Variants in EYS observed in about 807,000 individuals in gnomAD.
EYS encodes the protein EGF-like photoreceptor maintenance factor.
EYS carries 250 observed loss-of-function variants against 282.1 expected under a neutral mutation model. The observed-to-expected ratio is 0.89, with a 90% confidence interval of 0.80 to 0.98. The LOEUF is 0.98. Among genes scored for constraint, EYS ranks in the 50% least tolerant of loss-of-function variants. The probability of loss-of-function intolerance (pLI) is 0.00; values close to 1 mark genes in which losing one functional copy is unlikely to be tolerated. For synonymous variants in EYS, 1,355 were observed against 1,282.9 expected (o/e 1.06, Z -1.20); for missense variants, 4,016 against 3,709.0 (o/e 1.08, Z -2.15).
rs1255559520 is a variant in EYS, at chr6:64,948,624, ATAC to A, written c.2260-2713_2260-2711del. 4.1e-5 allele frequency among the ~76,000 whole-genome samples: 6 copies of A among 147,724 alleles called. No individual in the cohort carries two copies. The South Asian group carries it at 8.4e-4, about 21-fold the overall frequency. On this transcript the variant is annotated intron_variant, in intron 14 of 42. Coordinates refer to ENST00000503581, the MANE Select transcript of EYS (RefSeq NM_001142800.2). ...ATTAAATAATATTAAATAATAGTAA[ATAC>A]TAGTATTAAATAGTATTAAATAGTA... is the stretch of plus-strand genomic sequence containing the variant.
intron 1 of EYS, among the ~76,000 whole-genome samples, chr6:65,657,585 T>C (rs145113389): frequency 6.6e-6 from 1 of 152,022 alleles, no homozygotes; most frequent in East Asian, 1.9e-4. Flanking sequence ...AATCTCATGA[T>C]CAAACTTGAA....
intron 29 of EYS, among the ~76,000 whole-genome samples, chr6:64,368,062 C>T (rs562998935): frequency 6.6e-6 from 1 of 152,020 alleles, no homozygotes; most frequent in African/African-American, 2.4e-5. Context: ...GCGTAGTATC[C>T]AATAGGTAGT....
At chr6:63,973,168 A>G (rs975374370) in intron 35 of EYS, among the ~76,000 whole-genome samples, 2 of 152,100 alleles carry the variant, frequency 1.3e-5, no homozygotes, top group Admixed American at 1.3e-4. Context: ...TTACACTTCC[A>G]CCAACAGTGT....
At chr6:64,633,902 T>C (rs1473035829) in intron 22 of EYS, among the ~76,000 whole-genome samples, 1 of 152,146 alleles carries the variant, frequency 6.6e-6, no homozygotes, top group Non-Finnish European at 1.5e-5. Flanking sequence ...TCCTGAAATA[T>C]ACTAAGCCAG....
At chr6:64,580,991 A>T (rs1158227721) in intron 26 of EYS, among the ~76,000 whole-genome samples, 3 of 152,138 alleles carry the variant, frequency 2.0e-5, no homozygotes, top group Non-Finnish European at 4.4e-5. Flanking sequence ...GATTTTTGGT[A>T]TTGGGAAGAT....
intron 21 of EYS, among the ~76,000 whole-genome samples, chr6:64,813,828 A>G (rs916719510): frequency 3.3e-5 from 5 of 152,032 alleles, no homozygotes; most frequent in African/African-American, 1.2e-4. Context: ...TTATAAAAAG[A>G]TGTATCATGT....
chr6:64,831,397 T>G (rs559508762), intron 19 of EYS, among the ~76,000 whole-genome samples: 1 of 152,118 alleles, frequency 6.6e-6, no homozygotes, highest in African/African-American at 2.4e-5. Context: ...TTTCATTGTT[T>G]GGAAAGAATT....
chr6:65,450,556 CCAAT>C (rs1764362421), intron 5 of EYS, among the ~76,000 whole-genome samples: 1 of 152,208 alleles, frequency 6.6e-6, no homozygotes, highest in East Asian at 1.9e-4. Context: ...CTAAAAATGA[CCAAT>C]CAGAGTTGTT....
chr6:63,826,845 C>CAAAAAAAAAAAAAAAGAAAAAAA (rs1771475261), intron 36 of EYS, among the ~76,000 whole-genome samples: 1 of 76,762 alleles, frequency 1.3e-5, no homozygotes, highest in African/African-American at 5.1e-5. Flanking sequence ...AGTTAAAAAG[C>CAAAAAAAAAAAAAAAGAAAAAAA]AAAAAAAAAA....
intron 24 of EYS, among the ~76,000 whole-genome samples, chr6:64,596,557 T>C (rs905257782): frequency 3.3e-5 from 5 of 152,112 alleles, no homozygotes; most frequent in Admixed American, 6.6e-5. Flanking sequence ...AAGAGATAGA[T>C]TCACATATTC....
chr6:63,880,342 G>T (rs1825208), intron 35 of EYS, among the ~76,000 whole-genome samples: 1 of 151,930 alleles, frequency 6.6e-6, no homozygotes, highest in African/African-American at 2.4e-5. Context: ...CGGACTCCAA[G>T]TTCTTCAGTT....
chr6:64,848,252 C>CT (rs1765776108), intron 19 of EYS, among the ~76,000 whole-genome samples: 1 of 151,678 alleles, frequency 6.6e-6, no homozygotes, highest in Admixed American at 6.6e-5. Flanking sequence ...CACATTTTTT[C>CT]TTTTATTTTT....
chr6:64,968,487 A>G (rs546433841), intron 14 of EYS, among the ~76,000 whole-genome samples: 98 of 152,310 alleles, frequency 6.4e-4, no homozygotes, highest in African/African-American at 2.2e-3. Flanking sequence ...ACCTTTGTAT[A>G]TTCACTCAAA....
intron 22 of EYS, among the ~76,000 whole-genome samples, chr6:64,645,661 G>A (rs1295932475): frequency 1.3e-5 from 2 of 152,092 alleles, no homozygotes; most frequent in South Asian, 4.2e-4. Context: ...AACCAAAATC[G>A]TAGGTCTTTT....
chr6:63,959,265 TCAA>T (rs779202075), intron 35 of EYS, among the ~76,000 whole-genome samples: 18 of 152,142 alleles, frequency 1.2e-4, no homozygotes, highest in Non-Finnish European at 2.1e-4. Flanking sequence ...GAAAAAAAGT[TCAA>T]CATCACTGAT....
At chr6:64,185,730 G>C (rs1013078260) in intron 31 of EYS, among the ~76,000 whole-genome samples, 2 of 152,110 alleles carry the variant, frequency 1.3e-5, no homozygotes, top group African/African-American at 4.8e-5. Flanking sequence ...TTCAAAGCTT[G>C]AGAGACTTTA....
rs1196378799 is a variant in EYS, at chr6:65,057,599, C to T, written c.2137+15G>A. On this transcript the variant is annotated intron_variant, in intron 13 of 42. Transcript: ENST00000503581. ...TAATTATGTTTGCTTTTCCTTATCC[C>T]TTGGTGTTCATTACCTTTAAATGGA... 3.5e-6 allele frequency: 5 copies of T among 1,440,948 alleles called. No individual in the cohort carries two copies. In the African/African-American group the frequency reaches 5.7e-5, roughly 16 times the overall value. 89.3% of individuals were successfully genotyped at this position (1,440,948 alleles called of 1,614,324 possible). A position where few individuals can be genotyped will look rare whatever the true frequency, so the allele number is the denominator to read the frequency against.
At chr6:65,186,356 T>C (rs1031408498) in intron 12 of EYS, among the ~76,000 whole-genome samples, 5 of 151,712 alleles carry the variant, frequency 3.3e-5, no homozygotes, top group African/African-American at 1.2e-4. Context: ...ATGGGATATA[T>C]GGACAAAAAT....
chr6:63,780,702 TG>T (rs1416561003), intron 39 of EYS, among the ~76,000 whole-genome samples: 10 of 152,246 alleles, frequency 6.6e-5, no homozygotes, highest in Non-Finnish European at 1.0e-4. Context: ...GTAGGTTGCC[TG>T]TTCACTCTGA....
Sources: allele counts gnomAD v4.1 joint callset (sites outside exome capture counted in the v4.1 genomes callset), GRCh38; gene constraint gnomAD v4.1.1; transcripts MANE v1.5; gene names NCBI Gene and HGNC (gene_info 2026-07-23, HGNC 2026-07-21).